The following PARD3 variants were observed in gnomAD, a reference collection of about 807,000 sequenced individuals.
PARD3 encodes the protein par-3 family cell polarity regulator.
A neutral mutation model predicts 155.4 loss-of-function variants in PARD3; 75 were observed. The ratio of observed to expected loss-of-function variants is 0.48; its 90% CI spans 0.40 to 0.58. The LOEUF (loss-of-function observed/expected upper bound fraction) is 0.58. Among genes scored for constraint, PARD3 ranks in the 20% least tolerant of loss-of-function variants. The pLI is 0.00. For missense variants in PARD3, 1,642 were observed against 1,721.7 expected (o/e 0.95, Z 0.82); for synonymous variants, 576 against 610.5 (o/e 0.94, Z 0.83).
Position 34,433,869 on chromosome 10 carries a change from A to G in PARD3, c.714+16448T>C, listed in dbSNP as rs374450248. Among the ~76,000 whole-genome samples the G allele has an allele frequency of 2.0e-5, 3 of 152,240 alleles. No individual in the cohort carries two copies. The East Asian group carries it at 5.8e-4, about 29-fold the overall frequency. On this transcript the variant is annotated intron_variant, in intron 5 of 24. Coordinates refer to ENST00000374788, the MANE Select transcript of PARD3 (RefSeq NM_001184785.2). ...ACGCTAGGCTGCAAACGTATGTGAC[A>G]GAGACCCAATGCCTCCACACATTGA...
chr10:34,538,921 A>T (rs2083410642), intron 2 of PARD3, among the ~76,000 whole-genome samples: 1 of 152,254 alleles, frequency 6.6e-6, no homozygotes, highest in South Asian at 2.1e-4. Flanking sequence ...CAGATTCATG[A>T]TGCCTTGTCC....
At chr10:34,676,271 T>C (rs1003242813) in intron 2 of PARD3, among the ~76,000 whole-genome samples, 4 of 152,160 alleles carry the variant, frequency 2.6e-5, no homozygotes, top group African/African-American at 9.7e-5. Flanking sequence ...TGCACAAAAC[T>C]GAAATTTATA....
At chr10:34,392,349 A>C (rs1298831197) in intron 7 of PARD3, among the ~76,000 whole-genome samples, 1 of 152,196 alleles carries the variant, frequency 6.6e-6, no homozygotes. Context: ...TTGACACTTC[A>C]CCTGATATTC....
chr10:34,327,735 G>A (rs1254462745), intron 19 of PARD3, among the ~76,000 whole-genome samples: 1 of 152,134 alleles, frequency 6.6e-6, no homozygotes, highest in Non-Finnish European at 1.5e-5. Flanking sequence ...GTGACAAAAA[G>A]ACCATCTGCC....
chr10:34,640,553 T>C (rs2092637546), intron 2 of PARD3, among the ~76,000 whole-genome samples: 1 of 150,894 alleles, frequency 6.6e-6, no homozygotes, highest in Non-Finnish European at 1.5e-5. Context: ...ATACTAAAAA[T>C]ACAAAAATTA....
At chr10:34,269,588 C>G in intron 22 of PARD3, 69 bp downstream of exon 22, 5 of 1,554,756 alleles carry the variant, frequency 3.2e-6, no homozygotes, top group Non-Finnish European at 3.5e-6. Flanking sequence ...GATGAATGGT[C>G]TACTCCCCTG....
At chr10:34,766,093 G>C (rs1177390419) in intron 1 of PARD3, among the ~76,000 whole-genome samples, 2 of 152,196 alleles carry the variant, frequency 1.3e-5, no homozygotes, top group African/African-American at 4.8e-5. Flanking sequence ...TGAATCAACA[G>C]TCCAAGTTAA....
chr10:34,129,971 C>T (rs1947520543), intron 23 of PARD3, among the ~76,000 whole-genome samples: 1 of 151,716 alleles, frequency 6.6e-6, no homozygotes, highest in Non-Finnish European at 1.5e-5. Context: ...GCCTGGCCTC[C>T]AGCCTTTTAT....
chr10:34,550,871 C>T lies in PARD3; in HGVS notation c.223-33712G>A, dbSNP rs1418196894. Among the ~76,000 whole-genome samples, 3 of 152,146 alleles carry T rather than the reference C, an allele frequency of 2.0e-5. No homozygotes were observed. The East Asian group carries it at 5.8e-4, about 29-fold the overall frequency. On this transcript the variant is annotated intron_variant, in intron 2 of 24. Coordinates refer to ENST00000374788, the MANE Select transcript of PARD3 (RefSeq NM_001184785.2). ...ACCTATGCATTATTTTAAAAAAACA[C>T]ATCTGCACAATCCCAATCTAAAACA... is the stretch of plus-strand genomic sequence containing the variant.
At chr10:34,233,361 C>G (rs1418957104) in intron 22 of PARD3, among the ~76,000 whole-genome samples, 1 of 152,004 alleles carries the variant, frequency 6.6e-6, no homozygotes, top group African/African-American at 2.4e-5. Context: ...CTGTACTGAT[C>G]TCTCAACACA....
intron 2 of PARD3, among the ~76,000 whole-genome samples, chr10:34,559,990 T>C (rs1328709202): frequency 6.6e-6 from 1 of 152,174 alleles, no homozygotes; most frequent in African/African-American, 2.4e-5. Flanking sequence ...AGCCAAACAT[T>C]TTAAAAGTTT....
At chr10:34,257,797 T>C (rs1461136654) in intron 22 of PARD3, among the ~76,000 whole-genome samples, 1 of 152,208 alleles carries the variant, frequency 6.6e-6, no homozygotes, top group Non-Finnish European at 1.5e-5. Flanking sequence ...ACAAAAAGAA[T>C]TAAACAAGAA....
At chr10:34,369,943 T>C (rs1840411081) in intron 12 of PARD3, among the ~76,000 whole-genome samples, 1 of 152,192 alleles carries the variant, frequency 6.6e-6, no homozygotes, top group East Asian at 1.9e-4. Context: ...AGCAATACTA[T>C]GTGCCAAGAA....
intron 22 of PARD3, among the ~76,000 whole-genome samples, chr10:34,168,040 G>A (rs991016297): frequency 1.6e-5 from 2 of 126,502 alleles, no homozygotes; most frequent in African/African-American, 6.2e-5. Flanking sequence ...TCATAGTAAT[G>A]GCTTAATATG....
At chr10:34,457,142 AATCACAGGAGTATGG>A (rs2077381051) in intron 4 of PARD3, among the ~76,000 whole-genome samples, 1 of 152,218 alleles carries the variant, frequency 6.6e-6, no homozygotes, top group Non-Finnish European at 1.5e-5. Flanking sequence ...CAAGAAAAAT[AATCACAGGAGTATGG>A]ATCTGTATCA....
chr10:34,346,482 T>C, intron 15 of PARD3: 1 of 1,345,318 alleles, frequency 7.4e-7, no homozygotes, highest in Non-Finnish European at 9.9e-7. Context: ...GCATATCACT[T>C]TGTGTGCACA....
rs1845249156 is a variant in PARD3, at chr10:34,413,029, C to G, written c.715-11112G>C. Among the ~76,000 whole-genome samples the G allele has an allele frequency of 2.0e-5, 3 of 151,970 alleles. No individual in the cohort carries two copies. In the South Asian group the frequency reaches 6.2e-4, roughly 32 times the overall value. On this transcript the variant is annotated intron_variant, in intron 5 of 24. Coordinates refer to ENST00000374788, the MANE Select transcript of PARD3 (RefSeq NM_001184785.2). ...TTACTCTTAAAATGTTAAGATAAAACAGGATCAAGATGACTGCTTATTTGT... is the reference window on the plus strand; with the variant it reads ...TTACTCTTAAAATGTTAAGATAAAAGAGGATCAAGATGACTGCTTATTTGT...
intron 3 of PARD3, among the ~76,000 whole-genome samples, chr10:34,490,871 C>G (rs2079854627): frequency 6.6e-6 from 1 of 152,270 alleles, no homozygotes; most frequent in African/African-American, 2.4e-5. Flanking sequence ...ATGCTGGTTC[C>G]AGGATCCCCA....
intron 5 of PARD3, among the ~76,000 whole-genome samples, chr10:34,429,719 G>A (rs1420971131): frequency 6.6e-6 from 1 of 152,122 alleles, no homozygotes; most frequent in Non-Finnish European, 1.5e-5. Flanking sequence ...CCTAGTAGCT[G>A]GGATTACAGA....
Sources: allele counts gnomAD v4.1 joint callset (sites outside exome capture counted in the v4.1 genomes callset), GRCh38; gene constraint gnomAD v4.1.1; transcripts MANE v1.5; gene names NCBI Gene and HGNC (gene_info 2026-07-23, HGNC 2026-07-21).